The following PCSK1 variants were observed in gnomAD, a reference collection of about 807,000 sequenced individuals.
PCSK1 encodes neuroendocrine convertase 1.
A neutral mutation model predicts 90.6 loss-of-function variants in PCSK1; 56 were observed. The ratio of observed to expected loss-of-function variants is 0.62; its 90% CI spans 0.50 to 0.77. The LOEUF (loss-of-function observed/expected upper bound fraction) is 0.77. PCSK1 is among the 30% of genes least tolerant of loss of function. The probability of loss-of-function intolerance (pLI) is 0.00; values close to 1 mark genes in which losing one functional copy is unlikely to be tolerated. For missense variants in PCSK1, 801 were observed against 932.6 expected, an observed-to-expected ratio of 0.86 and a Z score of 1.84; for synonymous variants, 348 against 342.4, an observed-to-expected ratio of 1.02 and a Z score of -0.18.
intron 2 of PCSK1, among the ~76,000 whole-genome samples, chr5:96,428,799 A>G (rs528446045): frequency 4.6e-5 from 7 of 152,262 alleles, no homozygotes; most frequent in Middle Eastern, 6.8e-3. Context: ...TTGAGCCCAC[A>G]TTGGTATTAA....
rs1404518360 is a variant in PCSK1 at position 96,399,008 on chromosome 5, T to C, written c.1459A>G (p.Ile487Val). ...TCACAAGCTCTTGTTGGAATTTCAA[T>C]GATAACTTCTCCATTAGCTTTCAGG... Reference protein sequence around the residue: ...RALKANGEVIIEIPTRACEGQ... With the variant: ...RALKANGEVIVEIPTRACEGQ... Residue 487 changes from isoleucine to valine, a missense_variant, in exon 11 of 14, where the codon ATT (isoleucine) becomes GTT (valine). Transcript: ENST00000311106. 6.2e-7 allele frequency: 1 copy of C among 1,612,554 alleles called. No individual in the cohort carries two copies. Among genetic ancestry groups the C allele is most frequent in the Non-Finnish European group, 8.5e-7 (1 of 1,178,820 alleles).
At position 96,393,004 on chromosome 5, in the gene PCSK1, A is replaced by G. The variant is rs1169143481; in HGVS notation, c.2259T>C (p.Asn753=). The change falls in exon 14 of 14, where the codon AAT becomes AAC. Residue 753 remains asparagine, a synonymous_variant. Coordinates refer to ENST00000311106, the MANE Select transcript of PCSK1 (RefSeq NM_000439.5). ...QALVDILNEE[N] ...AACTTGGGACCACACACTTATTTTA[A>G]TTTTCCTCATTCAGAATGTCCACCA... The G allele has an allele frequency of 6.2e-7, 1 of 1,614,054 alleles. No homozygotes were observed. The highest frequency in any genetic ancestry group is 8.5e-7 in the Non-Finnish European group (1 of 1,179,972).
chr5:96,430,107 G>A (rs568608582), intron 1 of PCSK1, among the ~76,000 whole-genome samples: 8 of 152,106 alleles, frequency 5.3e-5, no homozygotes, highest in East Asian at 1.9e-4. Context: ...ATTAGTGATC[G>A]TTTGATTTTC....
intron 5 of PCSK1, among the ~76,000 whole-genome samples, chr5:96,419,069 C>T (rs1246175861): frequency 6.6e-6 from 1 of 151,954 alleles, no homozygotes; most frequent in African/African-American, 2.4e-5. Flanking sequence ...ATATCCTTGT[C>T]ACACATGTTA....
Position 96,393,281 on chromosome 5 carries a change from C to A in PCSK1, c.1982G>T (p.Gly661Val), listed in dbSNP as rs544018373. 203 of 1,613,984 alleles carry A rather than the reference C, an allele frequency of 1.3e-4. 1 individual carries two copies. In the South Asian group the frequency reaches 2.1e-3, roughly 17 times the overall value. The change falls in exon 14 of 14, where the codon GGA becomes GTA. Residue 661 changes from glycine (G) to valine (V), a missense_variant. Coordinates refer to ENST00000311106, the MANE Select transcript of PCSK1 (RefSeq NM_000439.5). Reference sequence around the variant, plus strand: ...TCGCAGCATGGCCTGGGAAGGGGCTCCCTCCTCCAACTCATCCCTCCGGCC... The same window carrying A: ...TCGCAGCATGGCCTGGGAAGGGGCTACCTCCTCCAACTCATCCCTCCGGCC... ...VGGRRDELEE[G>V]APSQAMLRLL...
At chr5:96,406,392 C>T (rs1311205000) in intron 9 of PCSK1, among the ~76,000 whole-genome samples, 1 of 152,152 alleles carries the variant, frequency 6.6e-6, no homozygotes, top group Non-Finnish European at 1.5e-5. Context: ...TATAAGTGAA[C>T]TTAGATTCTG....
chr5:96,424,118 T>A (rs1761211324), intron 3 of PCSK1, among the ~76,000 whole-genome samples: 1 of 152,128 alleles, frequency 6.6e-6, no homozygotes, highest in African/African-American at 2.4e-5. Flanking sequence ...GGAACACAGA[T>A]ATAAGCACAT....
chr5:96,432,163 C>A, intron 1 of PCSK1: 1 of 1,532,916 alleles, frequency 6.5e-7, no homozygotes, highest in Non-Finnish European at 8.7e-7. Context: ...ACTGGCCGGG[C>A]AAAGTTATGA....
At chr5:96,401,166 G>C (rs934467367) in intron 9 of PCSK1, among the ~76,000 whole-genome samples, 2 of 150,942 alleles carry the variant, frequency 1.3e-5, no homozygotes, top group African/African-American at 4.9e-5. Context: ...TATCTGGTGA[G>C]TGCTATATTC....
chr5:96,414,857 A>G (rs1282691599), intron 6 of PCSK1, among the ~76,000 whole-genome samples: 2 of 152,252 alleles, frequency 1.3e-5, no homozygotes, highest in Non-Finnish European at 2.9e-5. Context: ...TTAGTATCAA[A>G]GGAATCAGGA....
intron 3 of PCSK1, 51 bp from the exon 4 acceptor site, chr5:96,423,510 C>T: frequency 6.4e-7 from 1 of 1,565,652 alleles, no homozygotes; most frequent in South Asian, 1.1e-5. Flanking sequence ...TTGCTTGCTA[C>T]AAAATGGGCA....
At chr5:96,422,200 G>A (rs2112438908) in intron 4 of PCSK1, among the ~76,000 whole-genome samples, 1 of 152,146 alleles carries the variant, frequency 6.6e-6, no homozygotes, top group African/African-American at 2.4e-5. Context: ...CCAAGCCTAT[G>A]GTTCACAGGC....
intron 12 of PCSK1, among the ~76,000 whole-genome samples, chr5:96,396,561 C>CAAAAA (rs368951852): frequency 8.2e-6 from 1 of 122,432 alleles, no homozygotes; most frequent in Non-Finnish European, 1.8e-5. Context: ...GACTCCGTCT[C>CAAAAA]AAAAAAAAAA....
chr5:96,406,232 A>G (rs1221025196), intron 9 of PCSK1, among the ~76,000 whole-genome samples: 1 of 152,220 alleles, frequency 6.6e-6, no homozygotes, highest in Non-Finnish European at 1.5e-5. Context: ...GCCGAAGGCC[A>G]CATAGCTAGT....
At chr5:96,413,538 G>C (rs1213012829) in intron 6 of PCSK1, among the ~76,000 whole-genome samples, 1 of 152,196 alleles carries the variant, frequency 6.6e-6, no homozygotes, top group Non-Finnish European at 1.5e-5. Flanking sequence ...AGTGGCTCAT[G>C]CCTTTAATAC....
rs1324276726 is a variant in PCSK1 at position 96,391,918 on chromosome 5, TG to T, written c.*1082del. 6.6e-6 allele frequency: 1 copy of T among 152,242 alleles called. No homozygotes were observed. The highest frequency in any genetic ancestry group is 3.2e-3 in the Middle Eastern group (1 of 316). 9.4% of individuals were successfully genotyped at this position (152,242 alleles called of 1,614,324 possible). A position where few individuals can be genotyped will look rare whatever the true frequency, so the allele number is the denominator to read the frequency against. ...TCTGATTTGAAGCTTAGGAGCAATTTGGTGAGAATTTGGACACTATCAGTGA... is the reference window on the plus strand; with the variant it reads ...TCTGATTTGAAGCTTAGGAGCAATTTGTGAGAATTTGGACACTATCAGTGA... On this transcript the variant is annotated 3_prime_UTR_variant, in exon 14 of 14. Transcript: ENST00000311106.
chr5:96,394,951 C>T lies in PCSK1; in HGVS notation c.1797G>A (p.Glu599=). 3 of 1,614,110 alleles carry T rather than the reference C, an allele frequency of 1.9e-6. No individual in the cohort carries two copies. The highest frequency in any genetic ancestry group is 2.5e-6 in the Non-Finnish European group (3 of 1,179,944). The change falls in exon 13 of 14, where the codon GAG becomes GAA. Residue 599 remains glutamate, a synonymous_variant. Coordinates refer to ENST00000311106, the MANE Select transcript of PCSK1 (RefSeq NM_000439.5). ...LILHGTSSQP[E]HMKQPRVYTS... ...TGTACACACGAGGCTGCTTCATATG[C>T]TCTGGCTGAGAAGAGGTCCCGTGCA...
chr5:96,412,270 C>A, intron 7 of PCSK1, 48 bp downstream of exon 7: 3 of 1,456,108 alleles, frequency 2.1e-6, no homozygotes, highest in South Asian at 2.3e-5. Flanking sequence ...CTCCTCATAT[C>A]CAGATGGTCA....
intron 5 of PCSK1, among the ~76,000 whole-genome samples, chr5:96,418,676 TG>T: frequency 6.6e-6 from 1 of 152,318 alleles, no homozygotes; most frequent in South Asian, 2.1e-4. Flanking sequence ...CAAGACAAAA[TG>T]GAGCCATTCA....
Sources: allele counts gnomAD v4.1 joint callset (sites outside exome capture counted in the v4.1 genomes callset), GRCh38; gene constraint gnomAD v4.1.1; transcripts MANE v1.5; gene names NCBI Gene and HGNC (gene_info 2026-07-23, HGNC 2026-07-21).